LCT: variants seen among roughly 807,000 people sequenced by gnomAD.
LCT encodes lactase.
A neutral mutation model predicts 173.0 loss-of-function variants in LCT; 90 were observed. That is an observed-to-expected ratio of 0.52 (90% CI 0.44 to 0.62). LCT has a LOEUF of 0.62. LCT is among the 20% of genes least tolerant of loss of function. The pLI, the probability that LCT is intolerant of heterozygous loss-of-function variation, is 0.00. For synonymous variants in LCT, 853 were observed against 957.6 expected, an observed-to-expected ratio of 0.89 and a Z score of 2.02; for missense variants, 1,864 against 2,431.4, an observed-to-expected ratio of 0.77 and a Z score of 4.91.
chr2:135,803,157 G>A (rs1233313379), intron 11 of LCT, among the ~76,000 whole-genome samples: 1 of 152,090 alleles, frequency 6.6e-6, no homozygotes, highest in Admixed American at 6.6e-5. Context: ...AAAGAATTTA[G>A]TGTATATTTG....
chr2:135,820,957 T>C (rs1391272187), intron 5 of LCT, among the ~76,000 whole-genome samples: 1 of 151,888 alleles, frequency 6.6e-6, no homozygotes, highest in Non-Finnish European at 1.5e-5. Flanking sequence ...CTCAGCTCAC[T>C]GCAAGCTCTG....
Position 135,790,618 on chromosome 2 carries a change from A to G in LCT, c.5335+40T>C. The G allele has an allele frequency of 7.6e-7, 1 of 1,310,938 alleles. No individual in the cohort carries two copies. 81.2% of individuals were successfully genotyped at this position (1,310,938 alleles called of 1,614,324 possible). ...CCTGCAAATAGCAGATGTTTCCAAC[A>G]GGGGAAGGTGCACGCTGGGGAAGGG... On this transcript the variant is annotated intron_variant, in intron 15 of 16. Transcript: ENST00000264162. This position sits in a 1 kb window ranked among gnomAD's most constrained non-coding sequence, Gnocchi z 4.1.
intron 7 of LCT, among the ~76,000 whole-genome samples, chr2:135,810,835 G>GC (rs2077728801): frequency 6.6e-6 from 1 of 151,718 alleles, no homozygotes; most frequent in African/African-American, 2.4e-5. Flanking sequence ...GATCATCCTG[G>GC]CTAACATGGT....
At chr2:135,830,460 T>C (rs2077928255) in intron 2 of LCT, among the ~76,000 whole-genome samples, 1 of 152,114 alleles carries the variant, frequency 6.6e-6, no homozygotes, top group Non-Finnish European at 1.5e-5. Flanking sequence ...ACCTGTCTTA[T>C]CCCTCCCACT....
At chr2:135,810,175 C>T in intron 7 of LCT, 182 bp from the exon 8 acceptor site, 1 of 599,998 alleles carries the variant, frequency 1.7e-6, no homozygotes, top group East Asian at 2.8e-5. Context: ...CTTTTAAAGA[C>T]TAGTCAGTGC....
At chr2:135,800,492 TG>T in intron 12 of LCT, 114 bp downstream of exon 12, 1 of 900,626 alleles carries the variant, frequency 1.1e-6, no homozygotes, top group Non-Finnish European at 1.8e-6. Context: ...TCCAAAGTGC[TG>T]GGATTATAGA....
intron 2 of LCT, among the ~76,000 whole-genome samples, chr2:135,832,773 C>T (rs535392574): frequency 3.3e-5 from 5 of 152,128 alleles, no homozygotes; most frequent in East Asian, 1.9e-4. Flanking sequence ...AGTGAGCCAC[C>T]GTGTTTGGCC....
rs1023872182 is a variant in LCT, at chr2:135,792,628, C to T, written c.5112-1747G>A. On this transcript the variant is annotated intron_variant, in intron 14 of 16. Transcript: ENST00000264162. ...GGCTTGTGACTGCCAGCTTTCCCAA[C>T]TTCCCTAGCAACCTGTATGACACAG... Among the ~76,000 whole-genome samples, 129 of 152,166 alleles carry T rather than the reference C, an allele frequency of 8.5e-4. 3 individuals carry two copies. Among genetic ancestry groups the T allele is most frequent in the Admixed American group, 8.1e-3 (124 of 15,282 alleles).
In LCT at chr2:135,823,896, C is replaced by G. The variant is rs772445272; in HGVS notation, c.907+5G>C. The G allele has an allele frequency of 6.3e-7, 1 of 1,594,534 alleles. No individual in the cohort carries two copies. Among genetic ancestry groups the G allele is most frequent in the Non-Finnish European group, 8.6e-7 (1 of 1,162,236 alleles). On this transcript the variant is annotated splice_donor_5th_base_variant and intron_variant, in intron 4 of 16. Transcript: ENST00000264162. ...TCAAAACCTCTTCAGCAATGGCCCA[C>G]TCACCTTCAAAAAGGCTGAAGAGCA...
At chr2:135,830,253 C>T (rs1048035070) in intron 2 of LCT, among the ~76,000 whole-genome samples, 2 of 152,012 alleles carry the variant, frequency 1.3e-5, no homozygotes, top group East Asian at 3.9e-4. Flanking sequence ...AGACAACCCT[C>T]ATGGTCCTGG....
chr2:135,798,288 T>C, intron 12 of LCT, 150 bp from the exon 13 acceptor site: 2 of 691,454 alleles, frequency 2.9e-6, no homozygotes, highest in Non-Finnish European at 5.3e-6. Context: ...CTCCTGCCTG[T>C]TGCAGCTTCA....
chr2:135,817,122 T>C (rs2077786606), intron 6 of LCT, among the ~76,000 whole-genome samples: 1 of 152,176 alleles, frequency 6.6e-6, no homozygotes, highest in African/African-American at 2.4e-5. Context: ...CTGCCTGCCT[T>C]GGCCTCCCAC....
At chr2:135,835,208 A>G (rs567304915) in intron 1 of LCT, among the ~76,000 whole-genome samples, 1 of 152,218 alleles carries the variant, frequency 6.6e-6, no homozygotes. Flanking sequence ...TACAATGGGA[A>G]CCTAAAAGAC....
chr2:135,788,687 T>A, intron 16 of LCT, 143 bp from the exon 17 acceptor site: 4 of 701,716 alleles, frequency 5.7e-6, no homozygotes, highest in Admixed American at 2.0e-5. Context: ...CCATCCCCTT[T>A]CACTGTGTGT....
intron 6 of LCT, among the ~76,000 whole-genome samples, chr2:135,813,718 C>T (rs1158091261): frequency 6.6e-6 from 1 of 152,194 alleles, no homozygotes; most frequent in Non-Finnish European, 1.5e-5. Context: ...TGCCTCTGTC[C>T]TTAATAAGTG....
chr2:135,825,547 T>A (rs2077881527), intron 3 of LCT, among the ~76,000 whole-genome samples: 1 of 152,216 alleles, frequency 6.6e-6, no homozygotes, highest in African/African-American at 2.4e-5. Flanking sequence ...CAGCCTGTCT[T>A]CTGCCAAGCG....
chr2:135,812,670 T>G lies in LCT; in HGVS notation c.1994A>C (p.Glu665Ala). 6.2e-7 allele frequency: 1 copy of G among 1,613,392 alleles called. No homozygotes were observed. Among genetic ancestry groups the G allele is most frequent in the African/African-American group, 1.3e-5 (1 of 75,046 alleles). Residue 665 changes from glutamate (E) to alanine (A), a missense_variant, in exon 7 of 17, where the codon GAG becomes GCG. Coordinates refer to ENST00000264162, the MANE Select transcript of LCT (RefSeq NM_002299.4). Reference sequence around the variant, plus strand: ...GAGCTGCTTCTCTGCCTCTGTGAACTCGGGGAGTTGAGCCACAGGATGGGA... The same window carrying G: ...GAGCTGCTTCTCTGCCTCTGTGAACGCGGGGAGTTGAGCCACAGGATGGGA... ...QCSHPVAQLP[E>A]FTEAEKQLLK...
chr2:135,789,521 C>A, intron 16 of LCT, 50 bp downstream of exon 16: 1 of 1,341,940 alleles, frequency 7.5e-7, no homozygotes, highest in South Asian at 1.2e-5. Flanking sequence ...GAGGCCCTTC[C>A]ACCTGCCCTT....
Position 135,808,972 on chromosome 2 carries a change from A to T in LCT, c.3375T>A (p.Ser1125Arg). The change falls in exon 8 of 17, where the codon AGT becomes AGA. Residue 1125 changes from serine to arginine, a missense_variant. Physicochemically the swap from Ser to Arg is moderately radical, Grantham distance 110. Transcript: ENST00000264162. ...GTGACTTGGGCTCTGCCCAGTGTGT[A>T]CTGAGGCTCAGCGAGATGACCCCCT... Reference protein sequence around the residue: ...EQKGVISLSLSTHWAEPKSPG... With the variant: ...EQKGVISLSLRTHWAEPKSPG... The T allele has an allele frequency of 3.1e-6, 5 of 1,612,770 alleles. No individual in the cohort carries two copies. Among genetic ancestry groups the T allele is most frequent in the Non-Finnish European group, 4.2e-6 (5 of 1,179,024 alleles).
Sources: allele counts gnomAD v4.1 joint callset (sites outside exome capture counted in the v4.1 genomes callset), GRCh38; gene constraint gnomAD v4.1.1; non-coding constraint Gnocchi (gnomAD v3.1); transcripts MANE v1.5; gene names NCBI Gene and HGNC (gene_info 2026-07-23, HGNC 2026-07-21).